The following PIGU variants were observed in gnomAD, a reference collection of about 807,000 sequenced individuals.
PIGU encodes phosphatidylinositol glycan anchor biosynthesis class U.
In PIGU, 24 loss-of-function variants were observed where a neutral mutation model predicts 49.9. The ratio of observed to expected loss-of-function variants is 0.48; its 90% CI spans 0.35 to 0.68. The LOEUF is 0.68. Among genes scored for constraint, PIGU ranks in the 30% least tolerant of loss-of-function variants. The probability of loss-of-function intolerance (pLI) is 0.01; values close to 1 mark genes in which losing one functional copy is unlikely to be tolerated. For missense variants in PIGU, 490 were observed against 532.6 expected (o/e 0.92, Z 0.79); for synonymous variants, 220 against 205.7 (o/e 1.07, Z -0.59).
At chr20:34,619,018 G>A (rs185570055) in intron 6 of PIGU, among the ~76,000 whole-genome samples, 4 of 152,282 alleles carry the variant, frequency 2.6e-5, no homozygotes, top group African/African-American at 7.2e-5. Context: ...ACGAGAGAGT[G>A]GAGAGAAAAG....
intron 1 of PIGU, among the ~76,000 whole-genome samples, chr20:34,670,050 G>C (rs368826197): frequency 6.6e-6 from 1 of 152,190 alleles, no homozygotes; most frequent in Non-Finnish European, 1.5e-5. Flanking sequence ...GGATTGTGAC[G>C]AAGGGGGGCT....
intron 6 of PIGU, among the ~76,000 whole-genome samples, chr20:34,625,206 T>G (rs931889855): frequency 6.6e-6 from 1 of 151,742 alleles, no homozygotes; most frequent in African/African-American, 2.4e-5. Context: ...ACCCCGTCTC[T>G]ACTAAAAATG....
At chr20:34,633,647 A>C (rs2146759686) in intron 6 of PIGU, among the ~76,000 whole-genome samples, 1 of 151,376 alleles carries the variant, frequency 6.6e-6, no homozygotes, top group Non-Finnish European at 1.5e-5. Flanking sequence ...GGCTCACTGC[A>C]ACCTCCACCT....
intron 4 of PIGU, among the ~76,000 whole-genome samples, chr20:34,642,551 T>G (rs1224206088): frequency 6.6e-6 from 1 of 151,416 alleles, no homozygotes; most frequent in Non-Finnish European, 1.5e-5. Context: ...CACAGTTCAG[T>G]TTTACATTTT....
chr20:34,675,033 G>A (rs2016084561), intron 1 of PIGU, among the ~76,000 whole-genome samples: 1 of 151,366 alleles, frequency 6.6e-6, no homozygotes. Context: ...CAGATCACCT[G>A]AGGTCGGGAG....
At chr20:34,563,974 CAAACCT>C (rs1461484474) in intron 11 of PIGU, among the ~76,000 whole-genome samples, 2 of 152,148 alleles carry the variant, frequency 1.3e-5, no homozygotes, top group African/African-American at 4.8e-5. Context: ...AAGCATCAGA[CAAACCT>C]AAACTGGGGG....
At chr20:34,565,537 C>T (rs923712669) in intron 11 of PIGU, among the ~76,000 whole-genome samples, 1 of 152,018 alleles carries the variant, frequency 6.6e-6, no homozygotes, top group Admixed American at 6.5e-5. Context: ...GTATTACAGG[C>T]ATGAGCCACC....
intron 10 of PIGU, among the ~76,000 whole-genome samples, chr20:34,576,023 T>C (rs1243401171): frequency 6.6e-6 from 1 of 152,164 alleles, no homozygotes; most frequent in African/African-American, 2.4e-5. Context: ...CAAGTTTCTC[T>C]AGACCTCAGC....
intron 11 of PIGU, among the ~76,000 whole-genome samples, chr20:34,570,522 CTTCT>C (rs1982963718): frequency 6.6e-6 from 1 of 151,932 alleles, no homozygotes; most frequent in African/African-American, 2.4e-5. Flanking sequence ...TCGAGCAATT[CTTCT>C]ACCTCAGCCT....
At chr20:34,595,095 C>CAAAAAAAAAAAAAAA (rs71194627) in intron 7 of PIGU, among the ~76,000 whole-genome samples, 2 of 71,334 alleles carry the variant, frequency 2.8e-5, no homozygotes, top group African/African-American at 5.7e-5. Context: ...GACTCCGTCT[C>CAAAAAAAAAAAAAAA]AAAAAAAAAA....
chr20:34,604,941 G>A (rs1415902467), intron 7 of PIGU, among the ~76,000 whole-genome samples: 1 of 151,990 alleles, frequency 6.6e-6, no homozygotes, highest in Non-Finnish European at 1.5e-5. Context: ...GGAATCCAAG[G>A]CTTTAGGAAT....
chr20:34,645,901 A>T (rs933963017), intron 2 of PIGU, among the ~76,000 whole-genome samples: 53 of 152,218 alleles, frequency 3.5e-4, no homozygotes, highest in African/African-American at 8.7e-4. Flanking sequence ...TGTCTCAAAA[A>T]AAATAAATAA....
intron 6 of PIGU, among the ~76,000 whole-genome samples, chr20:34,633,094 T>C (rs1985841983): frequency 6.6e-6 from 1 of 152,136 alleles, no homozygotes; most frequent in Non-Finnish European, 1.5e-5. Context: ...AAAGTAGTCA[T>C]AGTTACTACT....
chr20:34,650,700 C>CTTTTTTTTTTTTTTTTTTTTTTT (rs59998699), intron 2 of PIGU, among the ~76,000 whole-genome samples: 568 of 38,796 alleles, frequency 0.015, 181 homozygotes, highest in Middle Eastern at 0.025. Flanking sequence ...CTTTTTTTCT[C>CTTTTTTTTTTTTTTTTTTTTTTT]TTTTTTTTTT....
intron 2 of PIGU, among the ~76,000 whole-genome samples, chr20:34,653,340 A>C (rs537966972): frequency 6.6e-6 from 1 of 152,290 alleles, no homozygotes; most frequent in African/African-American, 2.4e-5. Context: ...AATCATTGAG[A>C]AAGGGATATT....
rs774986743 is a variant in PIGU, at chr20:34,585,490, A to G, written c.873T>C (p.Cys291=). Residue 291 remains cysteine (C), a synonymous_variant, in exon 9 of 12, where the codon TGT becomes TGC. Coordinates refer to ENST00000217446, the MANE Select transcript of PIGU (RefSeq NM_080476.5). The part of the protein sequence containing the change: ...MFEHFSLFFV[C]VFQINVFFYT... ...AGAAGAAGACGTTGATCTGAAACACACATACAAAGAAGAGGCTGAAGTGCT... is the reference window on the plus strand; with the variant it reads ...AGAAGAAGACGTTGATCTGAAACACGCATACAAAGAAGAGGCTGAAGTGCT... The G allele has an allele frequency of 3.5e-5, 56 of 1,613,838 alleles. No homozygotes were observed. The highest frequency in any genetic ancestry group is 4.7e-5 in the Non-Finnish European group (56 of 1,179,764).
chr20:34,653,174 T>C (rs983565393), intron 2 of PIGU, among the ~76,000 whole-genome samples: 1 of 152,156 alleles, frequency 6.6e-6, no homozygotes. Context: ...GGTTTCACCA[T>C]GTTGGTCAGG....
At chr20:34,571,483 C>G (rs931816689) in intron 11 of PIGU, among the ~76,000 whole-genome samples, 28 of 152,208 alleles carry the variant, frequency 1.8e-4, no homozygotes, top group African/African-American at 6.8e-4. Flanking sequence ...GTTCTAGATA[C>G]TTCCTTGAAA....
chr20:34,591,441 C>T (rs1983980563), intron 7 of PIGU, among the ~76,000 whole-genome samples: 1 of 152,116 alleles, frequency 6.6e-6, no homozygotes. Flanking sequence ...TAGAGCAGGG[C>T]ACCTAATAAC....
Sources: gnomAD v4.1 joint callset for allele counts (sites outside exome capture counted in the v4.1 genomes callset) on GRCh38, gnomAD v4.1.1 for gene constraint, MANE v1.5 for transcripts, NCBI Gene and HGNC (gene_info 2026-07-23, HGNC 2026-07-21) for gene names.